The following DLGAP3 variants were observed in gnomAD, a reference collection of about 807,000 sequenced individuals.
The protein encoded by DLGAP3 is DLG associated protein 3, also known as disks large-associated protein 3.
DLGAP3 carries 17 observed loss-of-function variants against 81.2 expected under a neutral mutation model. The ratio of observed to expected loss-of-function variants is 0.21; its 90% CI spans 0.14 to 0.31. DLGAP3 has a LOEUF of 0.31. Ranked by LOEUF, DLGAP3 falls within the 10% of genes least tolerant of loss-of-function variation. The pLI is 1.00. For synonymous variants in DLGAP3, 577 were observed against 587.4 expected, an observed-to-expected ratio of 0.98 and a Z score of 0.26; for missense variants, 1,124 against 1,388.0, an observed-to-expected ratio of 0.81 and a Z score of 3.02.
At chr1:34,901,753 C>T (rs1263335506) in intron 3 of DLGAP3, among the ~76,000 whole-genome samples, 2 of 152,134 alleles carry the variant, frequency 1.3e-5, no homozygotes, top group Non-Finnish European at 2.9e-5. Flanking sequence ...GAAATCAGAC[C>T]ACAGTGAGGG....
In DLGAP3 at chr1:34,902,168, G is replaced by A. The variant is rs1294102503; in HGVS notation, c.1108-1895C>T. 1.3e-5 allele frequency among the ~76,000 whole-genome samples: 2 copies of A among 152,040 alleles called. No homozygotes were observed. The highest frequency in any genetic ancestry group is 2.9e-5 in the Non-Finnish European group (2 of 68,006). On this transcript the variant is annotated intron_variant, in intron 3 of 11. Coordinates refer to ENST00000373347, the MANE Select transcript of DLGAP3 (RefSeq NM_001080418.3). The surrounding 1 kb of genome is among the most constrained non-coding windows in gnomAD (Gnocchi z 4.4). ...TGAAGACGTGGGGGAGAGGACTGGGGGAGGTAGGGAGGATTTAAAACACTT... is the reference window on the plus strand; with the variant it reads ...TGAAGACGTGGGGGAGAGGACTGGGAGAGGTAGGGAGGATTTAAAACACTT...
intron 8 of DLGAP3, among the ~76,000 whole-genome samples, chr1:34,872,362 G>A (rs1054589062): frequency 1.3e-5 from 2 of 152,332 alleles, no homozygotes; most frequent in Non-Finnish European, 2.9e-5. Flanking sequence ...GTTGTCAGGA[G>A]GTGGAGAAAA....
intron 8 of DLGAP3, 134 bp downstream of exon 8, chr1:34,884,844 A>G: frequency 2.7e-6 from 2 of 737,562 alleles, no homozygotes; most frequent in Non-Finnish European, 4.8e-6. Flanking sequence ...TGCTCTGACC[A>G]CCCTCTATAA....
chr1:34,892,931 G>A (rs1639334248), intron 5 of DLGAP3, among the ~76,000 whole-genome samples: 1 of 152,042 alleles, frequency 6.6e-6, no homozygotes, highest in Non-Finnish European at 1.5e-5. Context: ...CCAGCACTTT[G>A]GGAGGCCGAG....
intron 5 of DLGAP3, among the ~76,000 whole-genome samples, chr1:34,898,978 C>G (rs1202115124): frequency 6.6e-6 from 1 of 152,104 alleles, no homozygotes; most frequent in Non-Finnish European, 1.5e-5. Context: ...AAAGTAAGGT[C>G]TCTTGCTGGT....
chr1:34,901,688 C>T (rs969080970), intron 3 of DLGAP3, among the ~76,000 whole-genome samples: 17 of 152,084 alleles, frequency 1.1e-4, no homozygotes, highest in Admixed American at 1.3e-4. Flanking sequence ...TTGAAGATAG[C>T]GCTCAAGAGA....
At position 34,926,856 on chromosome 1, in the gene DLGAP3, C is replaced by G. The variant is rs74064477; in HGVS notation, c.-135+2595G>C. 9.3e-3 allele frequency among the ~76,000 whole-genome samples: 1,411 copies of G among 152,250 alleles called. 20 individuals carry two copies. The highest frequency in any genetic ancestry group is 0.032 in the African/African-American group (1,320 of 41,538). ...AATCAGACAAGCCCCAGAAGTTTCT[C>G]TATTCATTAGGAACCCAATAAGGTA... On this transcript the variant is annotated intron_variant, in intron 1 of 11. Transcript: ENST00000373347.
chr1:34,925,185 C>CG (rs948232994), intron 1 of DLGAP3, among the ~76,000 whole-genome samples: 1 of 98,920 alleles, frequency 1.0e-5, no homozygotes, highest in Admixed American at 8.4e-5. Flanking sequence ...ACCTGACAAC[C>CG]CCCCCCCCAC....
Position 34,868,935 on chromosome 1 carries a change from C to G in DLGAP3, c.2155G>C (p.Gly719Arg), listed in dbSNP as rs754834169. ...ACTGAGTAGGTGGGGGCCCGGGGCC[C>G]AGGCTGGGGCTCAGAGGCGTGCCTC... is the stretch of plus-strand genomic sequence containing the variant. The part of the protein sequence containing the change: ...FQRHASEPQP[G>R]PRAPTYSVFR... The change falls in exon 9 of 12, where the codon GGG (glycine) becomes CGG (arginine). Residue 719 changes from glycine (G) to arginine (R), a missense_variant. By Grantham distance (125) the Gly-to-Arg change is moderately radical (BLOSUM62 -2). This residue lies in a region of DLGAP3 where 379 missense variants were observed against 455.7 expected (regional missense o/e 0.83). Transcript: ENST00000373347. This position sits in a 1 kb window ranked among gnomAD's most constrained non-coding sequence, Gnocchi z 7.5. The G allele has an allele frequency of 3.1e-6, 5 of 1,609,688 alleles. No individual in the cohort carries two copies. The Admixed American group carries it at 8.3e-5, about 27-fold the overall frequency.
rs1465055049 is a variant in DLGAP3, at chr1:34,868,866, C to T, written c.2224G>A (p.Gly742Ser). ...HTQGQWAYRE[G>S]YPLPYEPPAT... Reference sequence around the variant, plus strand: ...GGCGGCTCGTACGGCAGTGGGTAGCCCTCGCGGTAGGCCCACTGGCCCTGC... The same window carrying T: ...GGCGGCTCGTACGGCAGTGGGTAGCTCTCGCGGTAGGCCCACTGGCCCTGC... Residue 742 changes from glycine (G) to serine (S), a missense_variant, in exon 9 of 12, where the codon GGC becomes AGC. Transcript: ENST00000373347. This position sits in a 1 kb window ranked among gnomAD's most constrained non-coding sequence, Gnocchi z 7.5. 1 of 1,591,988 alleles carries T rather than the reference C, an allele frequency of 6.3e-7. No individual in the cohort carries two copies. Among genetic ancestry groups the T allele is most frequent in the Non-Finnish European group, 8.5e-7 (1 of 1,173,284 alleles).
At position 34,904,142 on chromosome 1, in the gene DLGAP3, A is replaced by T; in HGVS notation, c.1107+135T>A. On this transcript the variant is annotated intron_variant, in intron 3 of 11. Coordinates refer to ENST00000373347, the MANE Select transcript of DLGAP3 (RefSeq NM_001080418.3). The surrounding 1 kb of genome is among the most constrained non-coding windows in gnomAD (Gnocchi z 8.1). ...GGAGCTCAGAGTGACCCAATGGGGCAGGGCAGAGCCTCCCTACACCCAGGC... is the reference window on the plus strand; with the variant it reads ...GGAGCTCAGAGTGACCCAATGGGGCTGGGCAGAGCCTCCCTACACCCAGGC... 9.3e-7 allele frequency: 1 copy of T among 1,073,258 alleles called. No homozygotes were observed. Among genetic ancestry groups the T allele is most frequent in the Non-Finnish European group, 1.4e-6 (1 of 708,042 alleles). 66.5% of individuals were successfully genotyped at this position (1,073,258 alleles called of 1,614,324 possible). A position where few individuals can be genotyped will look rare whatever the true frequency, so the allele number is the denominator to read the frequency against.
intron 8 of DLGAP3, among the ~76,000 whole-genome samples, chr1:34,880,255 C>T (rs529343827): frequency 2.0e-5 from 3 of 152,254 alleles, no homozygotes; most frequent in African/African-American, 4.8e-5. Flanking sequence ...GGTCTCACTA[C>T]GTTGCCCAGG....
At chr1:34,879,002 G>A (rs1639101748) in intron 8 of DLGAP3, among the ~76,000 whole-genome samples, 1 of 151,670 alleles carries the variant, frequency 6.6e-6, no homozygotes, top group East Asian at 1.9e-4. Context: ...AACCTAGGAG[G>A]CGGAGCTTGC....
chr1:34,917,546 A>G (rs1323414622), intron 1 of DLGAP3, among the ~76,000 whole-genome samples: 1 of 151,650 alleles, frequency 6.6e-6, no homozygotes, highest in Non-Finnish European at 1.5e-5. Flanking sequence ...CAGTGTCACT[A>G]TGTTGCCCCA....
At position 34,904,731 on chromosome 1, in the gene DLGAP3, C is replaced by A; in HGVS notation, c.653G>T (p.Gly218Val). 6.2e-7 allele frequency: 1 copy of A among 1,612,368 alleles called. No individual in the cohort carries two copies. Residue 218 changes from glycine to valine, a missense_variant, in exon 3 of 12, where the codon GGC becomes GTC. This residue lies in a region of DLGAP3 where 357 missense variants were observed against 408.8 expected (regional missense o/e 0.87). Transcript: ENST00000373347. The surrounding 1 kb of genome is among the most constrained non-coding windows in gnomAD (Gnocchi z 8.1). ...GDSYPGPGSG[G>V]PHTSHHHHHH... is the part of the protein sequence containing the mutation. The stretch of plus-strand genomic sequence containing the variant: ...ATGGTGGTGATGGGAGGTGTGGGGG[C>A]CTCCAGAGCCCGGGCCGGGGTAGCT...
At chr1:34,876,486 G>A (rs923711311) in intron 8 of DLGAP3, among the ~76,000 whole-genome samples, 1 of 152,200 alleles carries the variant, frequency 6.6e-6, no homozygotes, top group Non-Finnish European at 1.5e-5. Flanking sequence ...CCTGAATGCT[G>A]GCCAGGCGAG....
At chr1:34,907,980 C>T (rs1290413596) in intron 1 of DLGAP3, among the ~76,000 whole-genome samples, 1 of 152,216 alleles carries the variant, frequency 6.6e-6, no homozygotes, top group Admixed American at 6.5e-5. Context: ...TATTAAGCCC[C>T]ACCTTCCCTT....
rs760193390 is a variant in DLGAP3, at chr1:34,867,035, A to G, written c.2721+13T>C. The G allele has an allele frequency of 7.7e-5, 124 of 1,613,690 alleles. No individual in the cohort carries two copies. Among genetic ancestry groups the G allele is most frequent in the Non-Finnish European group, 9.6e-5 (113 of 1,179,852 alleles). The stretch of plus-strand genomic sequence containing the variant: ...GAGTCTGGCCTCTTTGCCTGAAGGC[A>G]CCCCAGCCCCACCTTAGGCTCCAGG... On this transcript the variant is annotated intron_variant, in intron 11 of 11. Coordinates refer to ENST00000373347, the MANE Select transcript of DLGAP3 (RefSeq NM_001080418.3). The surrounding 1 kb of genome is among the most constrained non-coding windows in gnomAD (Gnocchi z 4.3).
intron 11 of DLGAP3, 110 bp downstream of exon 11, chr1:34,866,938 C>A: frequency 7.7e-7 from 1 of 1,295,870 alleles, no homozygotes; most frequent in Non-Finnish European, 1.1e-6. Flanking sequence ...GCTGCCCTTG[C>A]TGCCCATGGA....
Sources: gnomAD v4.1 joint callset for allele counts (sites outside exome capture counted in the v4.1 genomes callset) on GRCh38, gnomAD v4.1.1 for gene constraint, gnomAD v4.1.1 regional missense constraint, Gnocchi (gnomAD v3.1) non-coding constraint, MANE v1.5 for transcripts, NCBI Gene and HGNC (gene_info 2026-07-23, HGNC 2026-07-21) for gene names.